The following EMD variants were observed in gnomAD, a reference collection of about 807,000 sequenced individuals.
EMD encodes the protein LEM domain containing 5.
Under a neutral mutation model 15.2 loss-of-function variants are expected in EMD, and 2 were observed. The ratio of observed to expected loss-of-function variants is 0.13; its 90% CI spans 0.05 to 0.41. The LOEUF (loss-of-function observed/expected upper bound fraction) is 0.41. EMD is among the 10% of genes least tolerant of loss of function. The probability of loss-of-function intolerance (pLI) is 0.99; values close to 1 mark genes in which losing one functional copy is unlikely to be tolerated. For missense variants in EMD, 224 were observed against 213.4 expected, an observed-to-expected ratio of 1.05 and a Z score of -0.31; for synonymous variants, 122 against 86.2, an observed-to-expected ratio of 1.42 and a Z score of -2.30.
Position 154,380,018 on chromosome X carries a change from G to C in EMD, c.264G>C (p.Lys88Asn), listed in dbSNP as rs782178894. ...AGGACGCTTTACTCTACCAGAGCAA[G>C]GGTAAGGCAGGGGTTGGGTGGGCAC... is the stretch of plus-strand genomic sequence containing the variant. ...KKEDALLYQS[K>N]GYNDDYYEES... The change falls in exon 3 of 6, where the codon AAG becomes AAC. Residue 88 changes from lysine to asparagine, a missense_variant and splice_region_variant. Coordinates refer to ENST00000369842, the MANE Select transcript of EMD (RefSeq NM_000117.3). 6 of 1,209,417 alleles carry C rather than the reference G, an allele frequency of 5.0e-6. No individual in the cohort carries two copies. The highest frequency in any genetic ancestry group is 6.7e-6 in the Non-Finnish European group (6 of 894,237).
intron 2 of EMD, 39 bp from the exon 3 acceptor site, chrX:154,379,903 T>G (rs782001859): frequency 2.4e-5 from 29 of 1,194,586 alleles, no homozygotes; most frequent in Non-Finnish European, 3.1e-5. Flanking sequence ...GAGGGAAGTC[T>G]GGGGGGGCAA....
At position 154,380,966 on chromosome X, in the gene EMD, C is replaced by G; in HGVS notation, c.534C>G (p.Asp178Glu). The G allele has an allele frequency of 8.3e-7, 1 of 1,211,492 alleles. No homozygotes were observed. Among genetic ancestry groups the G allele is most frequent in the Non-Finnish European group, 1.1e-6 (1 of 895,462 alleles). ...RPVSASRSSL[D>E]LSYYPTSSST... ...TTTCAGCCTCCAGGAGCTCCCTGGA[C>G]CTGTCCTATTATCCTACTTCCTCCT... The change falls in exon 6 of 6, where the codon GAC (aspartate) becomes GAG (glutamate). Residue 178 changes from aspartate to glutamate, a missense_variant. Transcript: ENST00000369842.
Position 154,380,815 on chromosome X carries a change from G to A in EMD, c.449+13G>A. The A allele has an allele frequency of 3.3e-6, 4 of 1,211,982 alleles. No homozygotes were observed. Among genetic ancestry groups the A allele is most frequent in the Non-Finnish European group, 4.5e-6 (4 of 895,542 alleles). On this transcript the variant is annotated intron_variant, in intron 5 of 5. Coordinates refer to ENST00000369842, the MANE Select transcript of EMD (RefSeq NM_000117.3). ...AGTGCAAGGATAGGTGCGTAGTGGG[G>A]GAGCCCAGGGACGGGCTGGTTCTGG...
Position 154,381,203 on chromosome X carries a change from G to A in EMD, c.*6G>A, listed in dbSNP as rs1557182734. ...AAGAAGGCAACCCCTTCTAGAGGGAGCCATGAGGGTCTGGGCTTCAGAGCT... is the reference window on the plus strand; with the variant it reads ...AAGAAGGCAACCCCTTCTAGAGGGAACCATGAGGGTCTGGGCTTCAGAGCT... On this transcript the variant is annotated 3_prime_UTR_variant, in exon 6 of 6. Coordinates refer to ENST00000369842, the MANE Select transcript of EMD (RefSeq NM_000117.3). The A allele has an allele frequency of 8.7e-7, 1 of 1,145,918 alleles. No homozygotes were observed. The highest frequency in any genetic ancestry group is 1.2e-6 in the Non-Finnish European group (1 of 855,568). The allele number at this position is 1,145,918 out of a possible 1,213,427, so 94.4% of individuals were successfully genotyped here. A position where few individuals can be genotyped will look rare whatever the true frequency, so the allele number is the denominator to read the frequency against.
Position 154,379,850 on chromosome X carries a change from G to A in EMD, c.187+56G>A, listed in dbSNP as rs1220094321. On this transcript the variant is annotated intron_variant, in intron 2 of 5. Coordinates refer to ENST00000369842, the MANE Select transcript of EMD (RefSeq NM_000117.3). ...GACGCGGGGAGGATGGGGTCGCGAG[G>A]GTGTGGCAGGGGGGCCGGTCGAGAG... 5.1e-6 allele frequency: 6 copies of A among 1,172,128 alleles called. No individual in the cohort carries two copies. The African/African-American group carries it at 1.1e-4, about 21-fold the overall frequency.
Position 154,379,992 on chromosome X carries a change from G to C in EMD, c.238G>C (p.Glu80Gln). The change falls in exon 3 of 6, where the codon GAG (glutamate) becomes CAG (glutamine). Residue 80 changes from glutamate to glutamine, a missense_variant. Coordinates refer to ENST00000369842, the MANE Select transcript of EMD (RefSeq NM_000117.3). ...AGATATGTATGATCTTCCCAAGAAA[G>C]AGGACGCTTTACTCTACCAGAGCAA... ...DADMYDLPKK[E>Q]DALLYQSKGY... 1 of 1,210,200 alleles carries C rather than the reference G, an allele frequency of 8.3e-7. No individual in the cohort carries two copies. Among genetic ancestry groups the C allele is most frequent in the East Asian group, 3.0e-5 (1 of 33,793 alleles).
rs1557182551 is a variant in EMD at position 154,380,773 on chromosome X, GTCT to G, written c.427_429del (p.Ser143del). 16 of 1,210,589 alleles carry G rather than the reference GTCT, an allele frequency of 1.3e-5. No homozygotes were observed. The highest frequency in any genetic ancestry group is 1.8e-5 in the South Asian group (1 of 56,887). ...TGCAGGTGCATGATGACGATCTTTT[GTCT>G]TCTTCTGAAGAGGAGTGCAAGGATA... is the stretch of plus-strand genomic sequence containing the variant. On this transcript the variant is annotated inframe_deletion, in exon 5 of 6. Coordinates refer to ENST00000369842, the MANE Select transcript of EMD (RefSeq NM_000117.3).
chrX:154,380,845 A>G, intron 5 of EMD, 37 bp from the exon 6 acceptor site: 1 of 1,211,927 alleles, frequency 8.3e-7, no homozygotes, highest in Non-Finnish European at 1.1e-6. Flanking sequence ...TTCTGGGTCC[A>G]GGCTCCTGGC....
rs1557182361 is a variant in EMD at position 154,379,961 on chromosome X, G to A, written c.207G>A (p.Gly69=). ...YSFSDLNSTR[G]DADMYDLPKK... ...ATCCAGACTTGAATTCGACTAGAGG[G>A]GATGCAGATATGTATGATCTTCCCA... is the stretch of plus-strand genomic sequence containing the variant. The change falls in exon 3 of 6, where the codon GGG becomes GGA. Residue 69 remains glycine (G), a synonymous_variant. Transcript: ENST00000369842. 2.5e-6 allele frequency: 3 copies of A among 1,209,406 alleles called. No individual in the cohort carries two copies. Among genetic ancestry groups the A allele is most frequent in the African/African-American group, 1.8e-5 (1 of 57,098 alleles).
In EMD at chrX:154,380,738, G is replaced by C. The variant is rs1557182535; in HGVS notation, c.400-15G>C. 3 of 1,211,615 alleles carry C rather than the reference G, an allele frequency of 2.5e-6. No homozygotes were observed. The highest frequency in any genetic ancestry group is 3.3e-6 in the Non-Finnish European group (3 of 895,557). Reference sequence around the variant, plus strand: ...CCCTGCCAGCCAGTCCCCTCGCCCTGACTCTCTTCTGCAGGTGCATGATGA... The same window carrying C: ...CCCTGCCAGCCAGTCCCCTCGCCCTCACTCTCTTCTGCAGGTGCATGATGA... On this transcript the variant is annotated splice_polypyrimidine_tract_variant and intron_variant, in intron 4 of 5. Transcript: ENST00000369842.
chrX:154,380,998 C>T lies in EMD; in HGVS notation c.566C>T (p.Ser189Phe). 8.3e-7 allele frequency: 1 copy of T among 1,211,741 alleles called. No individual in the cohort carries two copies. The highest frequency in any genetic ancestry group is 1.7e-5 in the African/African-American group (1 of 57,829). Reference protein sequence around the residue: ...LSYYPTSSSTSFMSSSSSSSS... With the variant: ...LSYYPTSSSTFFMSSSSSSSS... Reference sequence around the variant, plus strand: ...TATTATCCTACTTCCTCCTCCACCTCTTTTATGTCCTCCTCATCATCTTCC... The same window carrying T: ...TATTATCCTACTTCCTCCTCCACCTTTTTTATGTCCTCCTCATCATCTTCC... The change falls in exon 6 of 6, where the codon TCT becomes TTT. Residue 189 changes from serine (S) to phenylalanine (F), a missense_variant. Physicochemically the swap from Ser to Phe is radical, Grantham distance 155 (BLOSUM62 -2). Transcript: ENST00000369842.
Position 154,380,948 on chromosome X carries a change from C to A in EMD, c.516C>A (p.Ala172=). 1 of 1,211,407 alleles carries A rather than the reference C, an allele frequency of 8.3e-7. No homozygotes were observed. The highest frequency in any genetic ancestry group is 1.1e-6 in the Non-Finnish European group (1 of 895,477). The part of the protein sequence containing the change: ...QSITHYRPVS[A]SRSSLDLSYY... The stretch of plus-strand genomic sequence containing the variant: ...TCACGCACTACCGCCCTGTTTCAGC[C>A]TCCAGGAGCTCCCTGGACCTGTCCT... Residue 172 remains alanine, a synonymous_variant, in exon 6 of 6, where the codon GCC becomes GCA. Transcript: ENST00000369842.
Position 154,379,965 on chromosome X carries a change from G to A in EMD, c.211G>A (p.Ala71Thr). 1 of 1,211,511 alleles carries A rather than the reference G, an allele frequency of 8.3e-7. No individual in the cohort carries two copies. The highest frequency in any genetic ancestry group is 2.3e-4 in the Middle Eastern group (1 of 4,346). Residue 71 changes from alanine (A) to threonine (T), a missense_variant, in exon 3 of 6, where the codon GCA becomes ACA. Transcript: ENST00000369842. ...AGACTTGAATTCGACTAGAGGGGAT[G>A]CAGATATGTATGATCTTCCCAAGAA... ...FSDLNSTRGDADMYDLPKKED... is the reference protein window; with the variant it reads ...FSDLNSTRGDTDMYDLPKKED...
chrX:154,381,177 G>A lies in EMD; in HGVS notation c.745G>A (p.Glu249Lys). 1 of 1,194,048 alleles carries A rather than the reference G, an allele frequency of 8.4e-7. No individual in the cohort carries two copies. Among genetic ancestry groups the A allele is most frequent in the Non-Finnish European group, 1.1e-6 (1 of 885,773 alleles). ...LFFIYHFMQA[E>K]EGNPF ...CTTCATTTACCACTTCATGCAGGCT[G>A]AAGAAGGCAACCCCTTCTAGAGGGA... Residue 249 changes from glutamate to lysine, a missense_variant, in exon 6 of 6, where the codon GAA becomes AAA. Glu to Lys is a moderately conservative substitution (Grantham distance 56). Transcript: ENST00000369842.
rs1557182808 is a variant in EMD at position 154,381,484 on chromosome X, GT to G, written c.*292del. On this transcript the variant is annotated 3_prime_UTR_variant, in exon 6 of 6. Transcript: ENST00000369842. Reference sequence around the variant, plus strand: ...ATTAACCAAAGGCCACCCTGACTTTGTTTTTGTGGACACACAATAAAAGCCC... The same window carrying G: ...ATTAACCAAAGGCCACCCTGACTTTGTTTTGTGGACACACAATAAAAGCCC... 3.0e-6 allele frequency: 1 copy of G among 337,582 alleles called. No homozygotes were observed. Among genetic ancestry groups the G allele is most frequent in the African/African-American group, 2.6e-5 (1 of 38,211 alleles). 27.8% of individuals were successfully genotyped at this position (337,582 alleles called of 1,213,427 possible). A position where few individuals can be genotyped will look rare whatever the true frequency, so the allele number is the denominator to read the frequency against.
intron 4 of EMD, 169 bp from the exon 5 acceptor site, chrX:154,380,584 A>G: frequency 1.2e-6 from 1 of 840,912 alleles, no homozygotes; most frequent in South Asian, 2.2e-5. Context: ...ACAAGTGGCA[A>G]GGCCCCATGG....
intron 4 of EMD, 162 bp from the exon 5 acceptor site, chrX:154,380,591 A>G: frequency 5.8e-6 from 5 of 858,316 alleles, no homozygotes; most frequent in Non-Finnish European, 1.7e-6. Flanking sequence ...GCAAGGCCCC[A>G]TGGATAAAGG....
chrX:154,380,749 G>T lies in EMD; in HGVS notation c.400-4G>T, dbSNP rs782029952. 9.1e-6 allele frequency: 11 copies of T among 1,210,417 alleles called. No homozygotes were observed. Among genetic ancestry groups the T allele is most frequent in the African/African-American group, 1.7e-5 (1 of 57,369 alleles). Reference sequence around the variant, plus strand: ...AGTCCCCTCGCCCTGACTCTCTTCTGCAGGTGCATGATGACGATCTTTTGT... The same window carrying T: ...AGTCCCCTCGCCCTGACTCTCTTCTTCAGGTGCATGATGACGATCTTTTGT... On this transcript the variant is annotated splice_region_variant and splice_polypyrimidine_tract_variant and intron_variant, in intron 4 of 5. Coordinates refer to ENST00000369842, the MANE Select transcript of EMD (RefSeq NM_000117.3).
Position 154,379,903 on chromosome X carries a change from T to C in EMD, c.188-39T>C, listed in dbSNP as rs782001859. The C allele has an allele frequency of 7.5e-6, 9 of 1,196,370 alleles. No homozygotes were observed. In the South Asian group the frequency reaches 8.8e-5, roughly 12 times the overall value. ...GCACTGGAGAAAGGGGAGGGAAGTC[T>C]GGGGGGGCAAACAGTTCTGTCTCCT... On this transcript the variant is annotated intron_variant, in intron 2 of 5. Coordinates refer to ENST00000369842, the MANE Select transcript of EMD (RefSeq NM_000117.3).
Sources: gnomAD v4.1 joint callset for allele counts on GRCh38, gnomAD v4.1.1 for gene constraint, MANE v1.5 for transcripts, NCBI Gene and HGNC (gene_info 2026-07-23, HGNC 2026-07-21) for gene names.